The following TAF2 variants were observed in gnomAD, a reference collection of about 807,000 sequenced individuals.
The protein encoded by TAF2 is TATA-box binding protein associated factor 2.
A neutral mutation model predicts 138.5 loss-of-function variants in TAF2; 61 were observed. That is an observed-to-expected ratio of 0.44 (90% CI 0.36 to 0.54). TAF2 has a LOEUF of 0.54. Ranked by LOEUF, TAF2 falls within the 20% of genes least tolerant of loss-of-function variation. The probability of loss-of-function intolerance (pLI) is 0.00; values close to 1 mark genes in which losing one functional copy is unlikely to be tolerated. For synonymous variants in TAF2, 475 were observed against 469.9 expected, an observed-to-expected ratio of 1.01 and a Z score of -0.14; for missense variants, 1,090 against 1,427.9, an observed-to-expected ratio of 0.76 and a Z score of 3.81.
chr8:119,737,511 C>CTTTTTTT (rs34513662), intron 25 of TAF2, among the ~76,000 whole-genome samples: 9 of 137,352 alleles, frequency 6.6e-5, no homozygotes, highest in Non-Finnish European at 9.4e-5. Flanking sequence ...TTTTCTTTTT[C>CTTTTTTT]TTTTTTTTTT....
At chr8:119,789,825 C>G in intron 11 of TAF2, 79 bp from the exon 12 acceptor site, 1 of 1,377,998 alleles carries the variant, frequency 7.3e-7, no homozygotes, top group Non-Finnish European at 1.0e-6. Flanking sequence ...TGCATTATAA[C>G]TTTATTGTAG....
intron 3 of TAF2, among the ~76,000 whole-genome samples, chr8:119,812,288 T>C (rs1235601947): frequency 1.3e-5 from 2 of 152,134 alleles, no homozygotes; most frequent in African/African-American, 4.8e-5. Flanking sequence ...CATTAATAGA[T>C]AGCTCAAGAC....
rs80219164 is a variant in TAF2 at position 119,812,430 on chromosome 8, C to T, written c.300-6029G>A. On this transcript the variant is annotated intron_variant, in intron 3 of 25. Coordinates refer to ENST00000378164, the MANE Select transcript of TAF2 (RefSeq NM_003184.4). ...CTGAGATTTTAGTGTATCTGTTGCC[C>T]AAGTAGTGTACATTGCACCCAATAT... 2.8e-3 allele frequency among the ~76,000 whole-genome samples: 425 copies of T among 151,814 alleles called. 2 individuals carry two copies. Among genetic ancestry groups the T allele is most frequent in the African/African-American group, 9.7e-3 (401 of 41,368 alleles).
intron 22 of TAF2, among the ~76,000 whole-genome samples, chr8:119,754,053 A>G (rs1423030749): frequency 6.6e-6 from 1 of 152,118 alleles, no homozygotes; most frequent in African/African-American, 2.4e-5. Flanking sequence ...AAAACATTAG[A>G]AAAAAAATTA....
intron 2 of TAF2, among the ~76,000 whole-genome samples, chr8:119,825,431 T>C (rs1054636850): frequency 1.3e-5 from 2 of 152,174 alleles, no homozygotes; most frequent in African/African-American, 2.4e-5. Context: ...CTGTGGACTT[T>C]TGAGTTAATG....
intron 24 of TAF2, 98 bp from the exon 25 acceptor site, chr8:119,742,754 A>G: frequency 2.0e-6 from 3 of 1,484,350 alleles, no homozygotes; most frequent in Non-Finnish European, 2.7e-6. Context: ...CCTTAAAGAC[A>G]GAAGCAATTC....
In TAF2 at chr8:119,802,030, A is replaced by G; in HGVS notation, c.561-5T>C. 2 of 1,606,792 alleles carry G rather than the reference A, an allele frequency of 1.2e-6. No individual in the cohort carries two copies. The highest frequency in any genetic ancestry group is 1.7e-6 in the Non-Finnish European group (2 of 1,174,228). On this transcript the variant is annotated splice_region_variant and splice_polypyrimidine_tract_variant and intron_variant, in intron 5 of 25. Coordinates refer to ENST00000378164, the MANE Select transcript of TAF2 (RefSeq NM_003184.4). ...TCAACACAAGGGAACCAAAATCTAG[A>G]AAAAAGATTGACAGTATAGAAAATG...
chr8:119,760,954 T>A (rs1483993065), intron 19 of TAF2, among the ~76,000 whole-genome samples: 1 of 149,950 alleles, frequency 6.7e-6, no homozygotes, highest in Non-Finnish European at 1.5e-5. Context: ...CTAAAATTAA[T>A]TTATCACTAA....
intron 4 of TAF2, among the ~76,000 whole-genome samples, chr8:119,805,643 T>C (rs960693147): frequency 6.6e-6 from 1 of 151,694 alleles, no homozygotes; most frequent in Non-Finnish European, 1.5e-5. Flanking sequence ...AGGCAGAGGT[T>C]GCAGTGAGCC....
intron 2 of TAF2, among the ~76,000 whole-genome samples, chr8:119,827,392 A>G (rs1826169213): frequency 6.6e-6 from 1 of 152,138 alleles, no homozygotes; most frequent in Non-Finnish European, 1.5e-5. Flanking sequence ...GTAGCCAACT[A>G]CCCACTATTC....
At position 119,762,585 on chromosome 8, in the gene TAF2, T is replaced by A; in HGVS notation, c.2388A>T (p.Ala796=). 6.2e-7 allele frequency: 1 copy of A among 1,613,284 alleles called. No individual in the cohort carries two copies. Among genetic ancestry groups the A allele is most frequent in the Non-Finnish European group, 8.5e-7 (1 of 1,179,580 alleles). ...AGTTGGCCAGGGCATCAATCATTTC[T>A]GCACGATAATAGTTATCTGAAAACT... is the stretch of plus-strand genomic sequence containing the variant. ...KNKFSDNYYR[A]EMIDALANSV... is the part of the protein sequence containing the mutation. Residue 796 remains alanine (A), a synonymous_variant, in exon 19 of 26, where the codon GCA becomes GCT. Transcript: ENST00000378164.
chr8:119,774,478 A>AT (rs11341544), intron 18 of TAF2, among the ~76,000 whole-genome samples: 1 of 150,644 alleles, frequency 6.6e-6, no homozygotes, highest in African/African-American at 2.4e-5. Flanking sequence ...AAATATTGTG[A>AT]TTTTTTTTTG....
In TAF2 at chr8:119,733,320, C is replaced by T. The variant is rs1819005176; in HGVS notation, c.3338-1134G>A. ...ATTCAGAATGCACAGCTTAAGAAAC[C>T]CAGAAAAGGTGGGGAGTCTATAAAG... On this transcript the variant is annotated intron_variant, in intron 25 of 25. Transcript: ENST00000378164. Among the ~76,000 whole-genome samples, 3 of 152,058 alleles carry T rather than the reference C, an allele frequency of 2.0e-5. No individual in the cohort carries two copies. The East Asian group carries it at 5.8e-4, about 29-fold the overall frequency.
Position 119,767,512 on chromosome 8 carries a change from G to C in TAF2, c.2365-4904C>G, listed in dbSNP as rs181553943. The stretch of plus-strand genomic sequence containing the variant: ...TAGCAGCAGGGAGCCGACACCTCTT[G>C]GCCCCTCAGGCTTCCAGTCTAATAC... On this transcript the variant is annotated intron_variant, in intron 18 of 25. Transcript: ENST00000378164. Among the ~76,000 whole-genome samples the C allele has an allele frequency of 2.4e-3, 367 of 152,252 alleles. 3 individuals carry two copies. The highest frequency in any genetic ancestry group is 6.6e-3 in the South Asian group (32 of 4,826).
chr8:119,745,119 C>A, intron 23 of TAF2: 1 of 437,050 alleles, frequency 2.3e-6, no homozygotes, highest in South Asian at 1.7e-5. Context: ...CTATAGCAAC[C>A]ATGCAGATTA....
chr8:119,752,905 C>T (rs989000379), intron 22 of TAF2, among the ~76,000 whole-genome samples: 2 of 152,094 alleles, frequency 1.3e-5, no homozygotes, highest in East Asian at 1.9e-4. Context: ...TTCCAGATAA[C>T]GCTTATCTCA....
chr8:119,750,763 C>T (rs1289742952), intron 22 of TAF2, among the ~76,000 whole-genome samples: 1 of 152,144 alleles, frequency 6.6e-6, no homozygotes. Context: ...CTGGCAAATC[C>T]TATCAAACTG....
In TAF2 at chr8:119,783,600, G is replaced by A; in HGVS notation, c.1893C>T (p.Asp631=). ...ADSPLLWIRI[D]PDMSVLRKVE... The stretch of plus-strand genomic sequence containing the variant: ...CCTTCCTCAATACTGACATATCTGG[G>A]TCTATCCTTATCCACAGCAAAGGGG... The change falls in exon 16 of 26, where the codon GAC becomes GAT. Residue 631 remains aspartate (D), a synonymous_variant. Coordinates refer to ENST00000378164, the MANE Select transcript of TAF2 (RefSeq NM_003184.4). 1.2e-6 allele frequency: 2 copies of A among 1,614,050 alleles called. No homozygotes were observed. Among genetic ancestry groups the A allele is most frequent in the Non-Finnish European group, 1.7e-6 (2 of 1,180,002 alleles).
At chr8:119,744,695 G>C in intron 23 of TAF2, 1 of 422,932 alleles carries the variant, frequency 2.4e-6, no homozygotes, top group East Asian at 5.3e-5. Context: ...CCCCCAAACA[G>C]AGAAGAATTA....
Sources: allele counts gnomAD v4.1 joint callset (sites outside exome capture counted in the v4.1 genomes callset), GRCh38; gene constraint gnomAD v4.1.1; transcripts MANE v1.5; gene names NCBI Gene and HGNC (gene_info 2026-07-23, HGNC 2026-07-21).